PRSS57: variants seen among roughly 807,000 people sequenced by gnomAD.
PRSS57 encodes the protein neutrophil serine protease 4.
In PRSS57, 19 loss-of-function variants were observed where a neutral mutation model predicts 20.6. The observed-to-expected ratio is 0.92, with a 90% CI of 0.64 to 1.35. The LOEUF is 1.35. PRSS57 is among the 40% of genes most tolerant of loss of function. The probability of loss-of-function intolerance (pLI) is 0.00; values close to 1 mark genes in which losing one functional copy is unlikely to be tolerated. For missense variants in PRSS57, 440 were observed against 403.7 expected (o/e 1.09, Z -0.77); for synonymous variants, 203 against 176.6 (o/e 1.15, Z -1.19).
rs750675706 is a variant in PRSS57 at position 690,764 on chromosome 19, G to A, written c.378+1094C>T. The A allele has an allele frequency of 1.2e-5, 4 of 347,550 alleles. 1 individual carries two copies. The highest frequency in any genetic ancestry group is 8.4e-5 in the South Asian group (3 of 35,532). The allele number at this position is 347,550 out of a possible 1,614,324, so 21.5% of individuals were successfully genotyped here. A position where few individuals can be genotyped will look rare whatever the true frequency, so the allele number is the denominator to read the frequency against. ...CAAGGAGGTAGCCACTGCCATCATC[G>A]GGGCCGTCATCCTGGCCAAGCTCTC... On this transcript the variant is annotated intron_variant, in intron 3 of 4. Coordinates refer to ENST00000329267, the MANE Select transcript of PRSS57 (RefSeq NM_001308209.2).
chr19:690,866 C>T (rs922398864), intron 3 of PRSS57: 5 of 356,868 alleles, frequency 1.4e-5, no homozygotes, highest in South Asian at 2.5e-5. Flanking sequence ...GGTGACAGGC[C>T]GCTGCGGCTC....
At chr19:690,565 GC>G in intron 3 of PRSS57, 1 of 259,342 alleles carries the variant, frequency 3.9e-6, no homozygotes, top group Non-Finnish European at 7.8e-6. Context: ...TCTTCTCCCT[GC>G]CCATCAAGGA....
intron 2 of PRSS57, among the ~76,000 whole-genome samples, chr19:693,055 A>G (rs144394700): frequency 0.021 from 3,229 of 150,614 alleles, 81 homozygotes; most frequent in African/African-American, 0.06. Context: ...AGCCTCCTGA[A>G]TAGCTGGGAC....
Position 685,611 on chromosome 19 carries a change from G to T in PRSS57, c.*105C>A. ...TGTGGAATGGGTGTGCCCCACCGCT[G>T]CCCGTCCCACCCCAACCCTGAACAT... On this transcript the variant is annotated 3_prime_UTR_variant, in exon 5 of 5. Coordinates refer to ENST00000329267, the MANE Select transcript of PRSS57 (RefSeq NM_001308209.2). 8.7e-7 allele frequency: 1 copy of T among 1,144,076 alleles called. No individual in the cohort carries two copies. The highest frequency in any genetic ancestry group is 1.2e-6 in the Non-Finnish European group (1 of 824,802). The allele number at this position is 1,144,076 out of a possible 1,614,324, so 70.9% of individuals were successfully genotyped here. A position where few individuals can be genotyped will look rare whatever the true frequency, so the allele number is the denominator to read the frequency against.
At chr19:689,536 G>C (rs2031579524) in intron 3 of PRSS57, among the ~76,000 whole-genome samples, 1 of 152,110 alleles carries the variant, frequency 6.6e-6, no homozygotes, top group African/African-American at 2.4e-5. Context: ...GGGCCTGTGG[G>C]CACCAGGAGG....
At position 691,852 on chromosome 19, in the gene PRSS57, G is replaced by C; in HGVS notation, c.378+6C>G. 1 of 1,328,684 alleles carries C rather than the reference G, an allele frequency of 7.5e-7. No homozygotes were observed. 82.3% of individuals were successfully genotyped at this position (1,328,684 alleles called of 1,614,324 possible). ...AACATACGTCAGATCCACCCCCGGG[G>C]CTCACCCGCAGCAGGCAGATGTCGT... On this transcript the variant is annotated splice_donor_region_variant and intron_variant, in intron 3 of 4. Coordinates refer to ENST00000329267, the MANE Select transcript of PRSS57 (RefSeq NM_001308209.2).
chr19:694,217 G>T (rs1327882505), intron 2 of PRSS57, among the ~76,000 whole-genome samples: 2 of 152,072 alleles, frequency 1.3e-5, no homozygotes, highest in Non-Finnish European at 2.9e-5. Flanking sequence ...GGCTCCTGCA[G>T]GAGGGGACCC....
chr19:693,508 C>A (rs1028848719), intron 2 of PRSS57, among the ~76,000 whole-genome samples: 2 of 151,920 alleles, frequency 1.3e-5, no homozygotes, highest in Admixed American at 1.3e-4. Context: ...ACGCCGGCCC[C>A]GTGATAATAT....
chr19:686,684 C>G (rs186550919), intron 4 of PRSS57, among the ~76,000 whole-genome samples: 1 of 152,282 alleles, frequency 6.6e-6, no homozygotes, highest in Non-Finnish European at 1.5e-5. Context: ...CTACCCTCTA[C>G]TGAATACTGC....
At chr19:690,883 G>T (rs974918191) in intron 3 of PRSS57, 2 of 391,908 alleles carry the variant, frequency 5.1e-6, no homozygotes, top group Non-Finnish European at 9.6e-6. Context: ...GCTCTGCGCT[G>T]GTGTGCCTGA....
intron 1 of PRSS57, 44 bp downstream of exon 1, chr19:695,308 G>C (rs899273813): frequency 9.0e-6 from 9 of 998,822 alleles, no homozygotes; most frequent in African/African-American, 3.3e-5. Context: ...CCCCGTACGG[G>C]GACTTGGCGG....
At chr19:694,143 T>C (rs2031723834) in intron 2 of PRSS57, among the ~76,000 whole-genome samples, 2 of 152,012 alleles carry the variant, frequency 1.3e-5, no homozygotes, top group Admixed American at 1.3e-4. Flanking sequence ...TGAGGGGGAC[T>C]GCAGGCTGGC....
At chr19:688,567 G>C (rs1449340488) in intron 3 of PRSS57, among the ~76,000 whole-genome samples, 3 of 146,742 alleles carry the variant, frequency 2.0e-5, no homozygotes, top group Non-Finnish European at 4.5e-5. Flanking sequence ...CGTGTGGGAG[G>C]AGCAGCTTCC....
chr19:689,439 C>T (rs569224732), intron 3 of PRSS57, among the ~76,000 whole-genome samples: 4 of 152,102 alleles, frequency 2.6e-5, no homozygotes, highest in Non-Finnish European at 5.9e-5. Flanking sequence ...GTGCAGAGCT[C>T]GGAGCGGAGA....
At chr19:694,689 C>T in intron 2 of PRSS57, 125 bp downstream of exon 2, 3 of 1,121,170 alleles carry the variant, frequency 2.7e-6, no homozygotes, top group Admixed American at 2.9e-5. Context: ...CCCTTTAAAT[C>T]CAGCCCCTGC....
At chr19:693,215 G>C (rs58614403) in intron 2 of PRSS57, among the ~76,000 whole-genome samples, 2,991 of 139,606 alleles carry the variant, frequency 0.021, 134 homozygotes, top group African/African-American at 0.077. Flanking sequence ...ACAGGCGTGA[G>C]CCACCGCACC....
intron 3 of PRSS57, chr19:691,139 G>C: frequency 4.6e-6 from 1 of 215,092 alleles, no homozygotes; most frequent in Non-Finnish European, 9.6e-6. Context: ...CAGAGTCTCC[G>C]TGCAGACGCC....
In PRSS57 at chr19:695,423, AG is replaced by A; in HGVS notation, c.7del (p.Leu3SerfsTer3). 7.9e-7 allele frequency: 1 copy of A among 1,265,912 alleles called. No homozygotes were observed. The highest frequency in any genetic ancestry group is 1.5e-5 in the African/African-American group (1 of 65,800). The allele number at this position is 1,265,912 out of a possible 1,614,324, so 78.4% of individuals were successfully genotyped here. Reference sequence around the variant, plus strand: ...AGGACGTCCCCAGCCCCTCAACCCGAGCCCCATGGCAGACGCAGGCTGGCGT... The same window carrying A: ...AGGACGTCCCCAGCCCCTCAACCCGACCCCATGGCAGACGCAGGCTGGCGT... MGLGLRGWGRPLL... is the reference protein window; with the variant it reads MGXGLRGWGRPLL... On this transcript the variant is annotated frameshift_variant, in exon 1 of 5. Transcript: ENST00000329267. LOFTEE classifies it high-confidence loss of function.
Position 687,881 on chromosome 19 carries a change from C to T in PRSS57, c.379-693G>A, listed in dbSNP as rs115464816. 4.8e-3 allele frequency among the ~76,000 whole-genome samples: 731 copies of T among 152,338 alleles called. 9 individuals carry two copies. The highest frequency in any genetic ancestry group is 0.017 in the African/African-American group (695 of 41,568). On this transcript the variant is annotated intron_variant, in intron 3 of 4. Coordinates refer to ENST00000329267, the MANE Select transcript of PRSS57 (RefSeq NM_001308209.2). ...ACAGCTACTCCCTGGGCCTGCCACA[C>T]ACCTCCCCTCACACCAGACCCCCAG...
Sources: allele counts gnomAD v4.1 joint callset (sites outside exome capture counted in the v4.1 genomes callset), GRCh38; gene constraint gnomAD v4.1.1; transcripts MANE v1.5; gene names NCBI Gene and HGNC (gene_info 2026-07-23, HGNC 2026-07-21).